MPP7: variants seen among roughly 807,000 people sequenced by gnomAD.
MPP7 encodes the protein MAGUK p55 subfamily member 7.
In MPP7, 60 loss-of-function variants were observed where a neutral mutation model predicts 76.5. That is an observed-to-expected ratio of 0.78 (90% CI 0.64 to 0.97). The LOEUF (loss-of-function observed/expected upper bound fraction) is 0.97. Among genes scored for constraint, MPP7 ranks in the 50% least tolerant of loss-of-function variants. The probability of loss-of-function intolerance (pLI) is 0.00; values close to 1 mark genes in which losing one functional copy is unlikely to be tolerated. For missense variants in MPP7, 641 were observed against 694.0 expected (o/e 0.92, Z 0.86); for synonymous variants, 237 against 244.5 (o/e 0.97, Z 0.29).
rs914646061 is a variant in MPP7, at chr10:28,162,530, C to T, written c.157-12471G>A. 7.9e-5 allele frequency among the ~76,000 whole-genome samples: 12 copies of T among 152,110 alleles called. 1 individual carries two copies. In the South Asian group the frequency reaches 2.3e-3, roughly 29 times the overall value. Reference sequence around the variant, plus strand: ...AGGAAAGAAAGTGGACAAGTATGGCCACCAAAGGACCAAAGAACTCCAAGT... The same window carrying T: ...AGGAAAGAAAGTGGACAAGTATGGCTACCAAAGGACCAAAGAACTCCAAGT... On this transcript the variant is annotated intron_variant, in intron 3 of 16. Coordinates refer to ENST00000683449, the MANE Select transcript of MPP7 (RefSeq NM_001318170.2).
intron 3 of MPP7, among the ~76,000 whole-genome samples, chr10:28,173,938 AAAT>A (rs1213549874): frequency 6.6e-6 from 1 of 152,194 alleles, no homozygotes; most frequent in African/African-American, 2.4e-5. Context: ...ATTTTTCTGC[AAAT>A]AAGACACTGT....
chr10:28,317,509 T>C (rs2133180511), intron 2 of MPP7, among the ~76,000 whole-genome samples: 1 of 152,312 alleles, frequency 6.6e-6, no homozygotes, highest in South Asian at 2.1e-4. Flanking sequence ...CCAGGCTGGA[T>C]GACATAACAA....
At chr10:28,177,482 C>T (rs770298137) in intron 3 of MPP7, among the ~76,000 whole-genome samples, 9 of 151,526 alleles carry the variant, frequency 5.9e-5, no homozygotes, top group Non-Finnish European at 1.3e-4. Context: ...TGTGAAAATT[C>T]GTAGATTAAT....
At chr10:28,301,859 G>A (rs1409951461) in intron 1 of MPP7, among the ~76,000 whole-genome samples, 2 of 152,174 alleles carry the variant, frequency 1.3e-5, no homozygotes, top group African/African-American at 4.8e-5. Context: ...AAAACTCAGT[G>A]ACCTTCATCA....
chr10:28,284,753 C>A (rs934819670), intron 1 of MPP7, among the ~76,000 whole-genome samples: 1 of 152,216 alleles, frequency 6.6e-6, no homozygotes, highest in Admixed American at 6.5e-5. Context: ...CAACTTTTCA[C>A]TTACTCTATT....
intron 1 of MPP7, among the ~76,000 whole-genome samples, chr10:28,273,539 G>A (rs1404511925): frequency 6.6e-6 from 1 of 152,156 alleles, no homozygotes; most frequent in Non-Finnish European, 1.5e-5. Context: ...TCAATGAACT[G>A]AGAACATTCT....
intron 2 of MPP7, among the ~76,000 whole-genome samples, chr10:28,228,829 T>C (rs376378698): frequency 6.6e-6 from 1 of 151,702 alleles, no homozygotes; most frequent in East Asian, 1.9e-4. Context: ...ATCATCATCA[T>C]TGAAATTAAA....
At chr10:28,133,980 T>G (rs758072082) in intron 5 of MPP7, among the ~76,000 whole-genome samples, 5 of 152,192 alleles carry the variant, frequency 3.3e-5, no homozygotes, top group African/African-American at 1.2e-4. Context: ...TCTGGGTTGT[T>G]TTCCGTTCTT....
intron 11 of MPP7, among the ~76,000 whole-genome samples, chr10:28,116,733 T>C (rs1461141763): frequency 1.3e-5 from 2 of 152,144 alleles, no homozygotes; most frequent in Non-Finnish European, 2.9e-5. Flanking sequence ...TAAGAGGTCA[T>C]GTTTTAGTTT....
chr10:28,271,566 A>C (rs958203368), intron 1 of MPP7, among the ~76,000 whole-genome samples: 6 of 152,144 alleles, frequency 3.9e-5, no homozygotes, highest in African/African-American at 1.4e-4. Context: ...ATAAATTTTG[A>C]AAGGTAGGGA....
chr10:28,322,461 C>G (rs930131515), intron 2 of MPP7, among the ~76,000 whole-genome samples: 2 of 152,110 alleles, frequency 1.3e-5, no homozygotes, highest in Non-Finnish European at 2.9e-5. Flanking sequence ...GAAAAACCCT[C>G]TCTCCCCATC....
At chr10:28,196,907 C>T (rs150327199) in intron 3 of MPP7, among the ~76,000 whole-genome samples, 9 of 152,150 alleles carry the variant, frequency 5.9e-5, no homozygotes, top group African/African-American at 1.9e-4. Context: ...GTTCTTGAAA[C>T]CTTTCCATGC....
intron 12 of MPP7, among the ~76,000 whole-genome samples, chr10:28,074,815 A>T (rs1852411276): frequency 6.6e-6 from 1 of 152,162 alleles, no homozygotes; most frequent in African/African-American, 2.4e-5. Context: ...ACAGCCCTTC[A>T]TGTTTCCACT....
chr10:28,144,854 C>T (rs1193402706), intron 5 of MPP7, among the ~76,000 whole-genome samples: 1 of 152,088 alleles, frequency 6.6e-6, no homozygotes, highest in Non-Finnish European at 1.5e-5. Flanking sequence ...CGTATATCCT[C>T]TATAATCTGC....
At chr10:28,095,314 A>G (rs1588760449) in intron 11 of MPP7, among the ~76,000 whole-genome samples, 1 of 151,726 alleles carries the variant, frequency 6.6e-6, no homozygotes, top group Non-Finnish European at 1.5e-5. Context: ...CAGACAACCA[A>G]TAAAATAGCC....
At chr10:28,170,341 A>AT in intron 3 of MPP7, among the ~76,000 whole-genome samples, 1 of 151,048 alleles carries the variant, frequency 6.6e-6, no homozygotes, top group African/African-American at 2.4e-5. Flanking sequence ...CTTTTTTTTA[A>AT]TTTTTTTATA....
intron 15 of MPP7, chr10:28,057,869 C>A: frequency 1.6e-6 from 2 of 1,222,644 alleles, no homozygotes; most frequent in Admixed American, 3.2e-5. Flanking sequence ...GAGGAAAATG[C>A]TGTGGGCTGG....
intron 1 of MPP7, among the ~76,000 whole-genome samples, chr10:28,270,591 G>A (rs1840297808): frequency 2.0e-5 from 3 of 151,394 alleles, no homozygotes; most frequent in Non-Finnish European, 1.5e-5. Flanking sequence ...TTGCTGGGTG[G>A]GGAAAGGCAC....
chr10:28,231,123 C>T (rs1376462783), intron 2 of MPP7, among the ~76,000 whole-genome samples: 1 of 146,862 alleles, frequency 6.8e-6, no homozygotes, highest in Non-Finnish European at 1.5e-5. Flanking sequence ...TAAAATGGTG[C>T]AAATTCAGCT....
Sources: gnomAD v4.1 joint callset for allele counts (sites outside exome capture counted in the v4.1 genomes callset) on GRCh38, gnomAD v4.1.1 for gene constraint, MANE v1.5 for transcripts, NCBI Gene and HGNC (gene_info 2026-07-23, HGNC 2026-07-21) for gene names.